The following DCDC2 variants were observed in gnomAD, a reference collection of about 807,000 sequenced individuals.
The protein encoded by DCDC2 is doublecortin domain-containing protein 2.
Under a neutral mutation model 50.2 loss-of-function variants are expected in DCDC2, and 40 were observed. The observed-to-expected ratio is 0.80, with a 90% CI of 0.62 to 1.04. DCDC2 has a LOEUF of 1.04. Among genes scored for constraint, DCDC2 ranks in the 50% least tolerant of loss-of-function variants. DCDC2 has a pLI of 0.00. For synonymous variants in DCDC2, 234 were observed against 210.6 expected (o/e 1.11, Z -0.96); for missense variants, 570 against 581.9 (o/e 0.98, Z 0.21).
At chr6:24,301,319 T>G (rs570759940) in intron 4 of DCDC2, among the ~76,000 whole-genome samples, 5 of 127,204 alleles carry the variant, frequency 3.9e-5, no homozygotes, top group African/African-American at 9.4e-5. Context: ...TGCAGTGAGC[T>G]GAGATCGTGC....
the DCDC2 span, among the ~76,000 whole-genome samples, chr6:24,379,605 G>A: frequency 1.3e-5 from 2 of 152,214 alleles, no homozygotes; most frequent in Admixed American, 6.5e-5. Flanking sequence ...GTGTAAATTA[G>A]TTCAACCATT....
At chr6:24,233,196 A>C (rs1280249695) in intron 7 of DCDC2, among the ~76,000 whole-genome samples, 3 of 152,212 alleles carry the variant, frequency 2.0e-5, no homozygotes. Flanking sequence ...GTTCATTTCC[A>C]GAATAGTCCT....
rs549843331 is a variant in DCDC2, at chr6:24,278,540, C to A, written c.760-329G>T. On this transcript the variant is annotated intron_variant, in intron 6 of 9. Coordinates refer to ENST00000378454, the MANE Select transcript of DCDC2 (RefSeq NM_016356.5). The stretch of plus-strand genomic sequence containing the variant: ...CCTCATGCTAGTGAGATAGACACTA[C>A]TATTACCACGTCACTGTAGAGATCA... Among the ~76,000 whole-genome samples the A allele has an allele frequency of 1.6e-4, 25 of 152,290 alleles. No individual in the cohort carries two copies. The South Asian group carries it at 2.7e-3, about 16-fold the overall frequency.
rs545739792 is a variant in DCDC2, at chr6:24,326,265, C to T, written c.349-24221G>A. On this transcript the variant is annotated intron_variant, in intron 2 of 9. Transcript: ENST00000378454. Reference sequence around the variant, plus strand: ...AGGAAATCAGACCTTTTCATTTCATCGGGATACCTACCACCTCTCTTTTTG... The same window carrying T: ...AGGAAATCAGACCTTTTCATTTCATTGGGATACCTACCACCTCTCTTTTTG... Among the ~76,000 whole-genome samples, 33 of 148,494 alleles carry T rather than the reference C, an allele frequency of 2.2e-4. 1 individual carries two copies. Among genetic ancestry groups the T allele is most frequent in the African/African-American group, 7.3e-4 (30 of 41,278 alleles).
At chr6:24,240,883 A>G (rs550712966) in intron 7 of DCDC2, among the ~76,000 whole-genome samples, 88 of 152,364 alleles carry the variant, frequency 5.8e-4, no homozygotes, top group Non-Finnish European at 2.4e-4. Flanking sequence ...ATTGAGTATT[A>G]TAACAAGATA....
chr6:24,284,457 C>A (rs950972483), intron 6 of DCDC2, among the ~76,000 whole-genome samples: 38 of 151,072 alleles, frequency 2.5e-4, no homozygotes, highest in Non-Finnish European at 4.7e-4. Flanking sequence ...AAAAAAAATA[C>A]AAAAATTAGC....
At chr6:24,245,532 C>T (rs773219336) in intron 7 of DCDC2, among the ~76,000 whole-genome samples, 3 of 152,152 alleles carry the variant, frequency 2.0e-5, no homozygotes, top group Non-Finnish European at 4.4e-5. Flanking sequence ...AGACATTAAC[C>T]ATAAAACTGG....
chr6:24,177,355 A>G (rs963130763), intron 9 of DCDC2, among the ~76,000 whole-genome samples: 2 of 152,240 alleles, frequency 1.3e-5, no homozygotes, highest in African/African-American at 4.8e-5. Flanking sequence ...CCTGGCCACC[A>G]GAACATTTTG....
intron 2 of DCDC2, among the ~76,000 whole-genome samples, chr6:24,319,291 T>C (rs1464163354): frequency 6.6e-6 from 1 of 152,008 alleles, no homozygotes; most frequent in Non-Finnish European, 1.5e-5. Context: ...TGTGGGGTTT[T>C]TTTTTTTCCT....
rs576003796 is a variant in DCDC2 at position 24,172,119 on chromosome 6, A to T, written c.*2611T>A. The T allele has an allele frequency of 1.3e-5, 2 of 152,298 alleles. No individual in the cohort carries two copies. Among genetic ancestry groups the T allele is most frequent in the African/African-American group, 4.8e-5 (2 of 41,576 alleles). 9.4% of individuals were successfully genotyped at this position (152,298 alleles called of 1,614,324 possible). ...CATTCTCCACAGAGAAAACTGCCACATTTGTGAGGTGAATGAACTTTCAGC... is the reference window on the plus strand; with the variant it reads ...CATTCTCCACAGAGAAAACTGCCACTTTTGTGAGGTGAATGAACTTTCAGC... On this transcript the variant is annotated 3_prime_UTR_variant, in exon 10 of 10. Coordinates refer to ENST00000378454, the MANE Select transcript of DCDC2 (RefSeq NM_016356.5).
At chr6:24,318,311 A>C (rs1365961303) in intron 2 of DCDC2, among the ~76,000 whole-genome samples, 1 of 152,130 alleles carries the variant, frequency 6.6e-6, no homozygotes, top group Non-Finnish European at 1.5e-5. Flanking sequence ...AGGGCTCTGA[A>C]GTTGCAGTAA....
At chr6:24,250,344 C>T (rs754179553) in intron 7 of DCDC2, among the ~76,000 whole-genome samples, 6 of 152,284 alleles carry the variant, frequency 3.9e-5, no homozygotes, top group East Asian at 3.9e-4. Context: ...CTGGGTGCTC[C>T]GCCTGTCATA....
intron 7 of DCDC2, among the ~76,000 whole-genome samples, chr6:24,259,165 G>C (rs1762957715): frequency 1.3e-5 from 2 of 151,544 alleles, no homozygotes; most frequent in Admixed American, 1.3e-4. Context: ...GGAATCCAAA[G>C]CTCGGAGAAT....
At chr6:24,302,372 A>G (rs1331897096) in intron 2 of DCDC2, among the ~76,000 whole-genome samples, 2 of 152,078 alleles carry the variant, frequency 1.3e-5, no homozygotes, top group African/African-American at 2.4e-5. Context: ...CTGAAAAACA[A>G]CAAAATAATC....
chr6:24,287,050 A>G (rs1763626687), intron 6 of DCDC2, among the ~76,000 whole-genome samples: 1 of 152,192 alleles, frequency 6.6e-6, no homozygotes, highest in African/African-American at 2.4e-5. Context: ...TGATGCTCCC[A>G]AAATGGACTC....
intron 7 of DCDC2, among the ~76,000 whole-genome samples, chr6:24,267,696 G>A (rs1763154500): frequency 6.6e-6 from 1 of 152,104 alleles, no homozygotes; most frequent in Admixed American, 6.6e-5. Flanking sequence ...ATGACAGTAA[G>A]GGAAAATGCA....
At chr6:24,351,613 GAA>G (rs1274895063) in intron 2 of DCDC2, among the ~76,000 whole-genome samples, 8 of 152,184 alleles carry the variant, frequency 5.3e-5, no homozygotes, top group Non-Finnish European at 1.5e-5. Flanking sequence ...GAAGCAGGAT[GAA>G]AGAGATGCAG....
intron 8 of DCDC2, among the ~76,000 whole-genome samples, chr6:24,193,017 G>A (rs1394267624): frequency 6.6e-6 from 1 of 151,922 alleles, no homozygotes; most frequent in African/African-American, 2.4e-5. Flanking sequence ...AGGAAAAAGG[G>A]TTACATTTAA....
intron 7 of DCDC2, among the ~76,000 whole-genome samples, chr6:24,225,446 T>C (rs1479753737): frequency 6.6e-6 from 1 of 152,070 alleles, no homozygotes; most frequent in Admixed American, 6.6e-5. Flanking sequence ...CATATCTGCA[T>C]ATACATACTG....
Sources: allele counts gnomAD v4.1 joint callset (sites outside exome capture counted in the v4.1 genomes callset), GRCh38; gene constraint gnomAD v4.1.1; transcripts MANE v1.5; gene names NCBI Gene and HGNC (gene_info 2026-07-23, HGNC 2026-07-21).